The following OR10A3 variants were observed in gnomAD, a reference collection of about 807,000 sequenced individuals.
OR10A3 encodes olfactory receptor 10A3.
Under a neutral mutation model 1.5 loss-of-function variants are expected in OR10A3, and 1 was observed. The ratio of observed to expected loss-of-function variants is 0.66; its 90% CI spans 0.23 to 3.11. OR10A3 has a LOEUF of 3.11. OR10A3 is among the 30% of genes most tolerant of loss of function. OR10A3 has a pLI of 0.21. For synonymous variants in OR10A3, 145 were observed against 143.7 expected (o/e 1.01, Z -0.06); for missense variants, 398 against 369.7 (o/e 1.08, Z -0.63).
rs1941403705 is a variant in OR10A3, at chr11:7,939,257, C to T, written c.264G>A (p.Glu88=). The T allele has an allele frequency of 6.2e-7, 1 of 1,614,218 alleles. No homozygotes were observed. Among genetic ancestry groups the T allele is most frequent in the Non-Finnish European group, 8.5e-7 (1 of 1,180,040 alleles). ...TPEMLVVLST[E]KTMISFVGCF... ...AGCCCACAAAAGAAATCATAGTTTT[C>T]TCAGTAGAGAGCACCACCAGCATTT... is the stretch of plus-strand genomic sequence containing the variant. The change falls in exon 2 of 2, where the codon GAG becomes GAA. Residue 88 remains glutamate (E), a synonymous_variant. Coordinates refer to ENST00000642047, the MANE Select transcript of OR10A3 (RefSeq NM_001003745.2).
chr11:7,937,875 A>G lies in OR10A3; in HGVS notation c.*701T>C, dbSNP rs1206807041. On this transcript the variant is annotated 3_prime_UTR_variant, in exon 2 of 2. Transcript: ENST00000642047. Reference sequence around the variant, plus strand: ...AATCATTTTGAAAAGTAATTCTGCAATAGCTAATAAAATTTGTAAACACAG... The same window carrying G: ...AATCATTTTGAAAAGTAATTCTGCAGTAGCTAATAAAATTTGTAAACACAG... 1 of 152,266 alleles carries G rather than the reference A, an allele frequency of 6.6e-6. No individual in the cohort carries two copies. The highest frequency in any genetic ancestry group is 2.4e-5 in the African/African-American group (1 of 41,462). 9.4% of individuals were successfully genotyped at this position (152,266 alleles called of 1,614,324 possible).
At position 7,939,634 on chromosome 11, in the gene OR10A3, G is replaced by A. The variant is rs1175637781; in HGVS notation, c.-114C>T. 1.9e-5 allele frequency: 15 copies of A among 769,546 alleles called. No individual in the cohort carries two copies. Among genetic ancestry groups the A allele is most frequent in the Non-Finnish European group, 4.0e-6 (2 of 505,432 alleles). The allele number at this position is 769,546 out of a possible 1,614,324, so 47.7% of individuals were successfully genotyped here. On this transcript the variant is annotated 5_prime_UTR_variant, in exon 2 of 2. Transcript: ENST00000642047. ...TTCTTGACAGCAGATGTAATGACAA[G>A]CTCATTTTGACAGAACTTCAGGTTG...
intron 1 of OR10A3, among the ~76,000 whole-genome samples, chr11:7,940,480 A>G (rs1375058720): frequency 3.3e-5 from 5 of 150,772 alleles, no homozygotes; most frequent in African/African-American, 1.2e-4. Context: ...CTCTCCCTTC[A>G]CCTCCTCTAC....
In OR10A3 at chr11:7,938,881, T is replaced by G. The variant is rs1371564675; in HGVS notation, c.640A>C (p.Ile214Leu). Residue 214 changes from isoleucine to leucine, a missense_variant, in exon 2 of 2, where the codon ATC becomes CTC. By Grantham distance (5) the Ile-to-Leu change is conservative. Coordinates refer to ENST00000642047, the MANE Select transcript of OR10A3 (RefSeq NM_001003745.2). The stretch of plus-strand genomic sequence containing the variant: ...AGAACTCGAATGTAAGACAAGAGGA[T>G]CAACAAGAAAGGAACCATAACAATC... Reference protein sequence around the residue: ...ILIVMVPFLLILLSYIRVLFA... With the variant: ...ILIVMVPFLLLLLSYIRVLFA... 1 of 1,614,114 alleles carries G rather than the reference T, an allele frequency of 6.2e-7. No individual in the cohort carries two copies. The highest frequency in any genetic ancestry group is 1.1e-5 in the South Asian group (1 of 91,078).
At position 7,938,610 on chromosome 11, in the gene OR10A3, A is replaced by G. The variant is rs1233659938; in HGVS notation, c.911T>C (p.Leu304Pro). ...NSEMKRTLIK[L>P]WRRKVILHTF is the part of the protein sequence containing the mutation. Reference sequence around the variant, plus strand: ...GTGTAAAATCACTTTTCTTCGCCATAGTTTTATCAAAGTCCTCTTCATCTC... The same window carrying G: ...GTGTAAAATCACTTTTCTTCGCCATGGTTTTATCAAAGTCCTCTTCATCTC... The change falls in exon 2 of 2, where the codon CTA (leucine) becomes CCA (proline). Residue 304 changes from leucine to proline, a missense_variant. Leu to Pro is a moderately conservative substitution (Grantham distance 98). Transcript: ENST00000642047. 6.2e-7 allele frequency: 1 copy of G among 1,612,964 alleles called. No homozygotes were observed. The highest frequency in any genetic ancestry group is 1.1e-5 in the South Asian group (1 of 90,686).
At position 7,938,330 on chromosome 11, in the gene OR10A3, A is replaced by G. The variant is rs1941385096; in HGVS notation, c.*246T>C. 7.9e-6 allele frequency: 3 copies of G among 379,752 alleles called. No homozygotes were observed. Among genetic ancestry groups the G allele is most frequent in the Non-Finnish European group, 1.4e-5 (3 of 214,790 alleles). The allele number at this position is 379,752 out of a possible 1,614,324, so 23.5% of individuals were successfully genotyped here. On this transcript the variant is annotated 3_prime_UTR_variant, in exon 2 of 2. Transcript: ENST00000642047. ...AAAAAAAAAAAAAAAAATGACAGTA[A>G]TCCAGTAGCTACTTGGATGTTCATA... is the stretch of plus-strand genomic sequence containing the variant.
intron 1 of OR10A3, among the ~76,000 whole-genome samples, chr11:7,939,988 G>A (rs374728299): frequency 4.9e-4 from 75 of 152,330 alleles, no homozygotes; most frequent in African/African-American, 1.8e-3. Flanking sequence ...CTGGAACTTG[G>A]CTGCAGTCCT....
rs769219074 is a variant in OR10A3 at position 7,938,675 on chromosome 11, G to T, written c.846C>A (p.Thr282=). The stretch of plus-strand genomic sequence containing the variant: ...TATAGATGAGCGGATTGAGCAGAGG[G>T]GTAAGCAACGTGTAAGCCAATGAGA... The part of the protein sequence containing the change: ...KLISLAYTLL[T]PLLNPLIYSL... The change falls in exon 2 of 2, where the codon ACC becomes ACA. Residue 282 remains threonine (T), a synonymous_variant. Coordinates refer to ENST00000642047, the MANE Select transcript of OR10A3 (RefSeq NM_001003745.2). 8.7e-6 allele frequency: 14 copies of T among 1,614,050 alleles called. No homozygotes were observed. The East Asian group carries it at 2.0e-4, about 23-fold the overall frequency.
At position 7,939,236 on chromosome 11, in the gene OR10A3, C is replaced by T; in HGVS notation, c.285G>A (p.Val95=). The change falls in exon 2 of 2, where the codon GTG becomes GTA. Residue 95 remains valine, a synonymous_variant. Coordinates refer to ENST00000642047, the MANE Select transcript of OR10A3 (RefSeq NM_001003745.2). The part of the protein sequence containing the change: ...LSTEKTMISF[V]GCFAQMYFIL... ...TGAAATACATCTGTGCAAAACAGCC[C>T]ACAAAAGAAATCATAGTTTTCTCAG... The T allele has an allele frequency of 6.2e-7, 1 of 1,614,192 alleles. No homozygotes were observed. Among genetic ancestry groups the T allele is most frequent in the Non-Finnish European group, 8.5e-7 (1 of 1,180,044 alleles).
At position 7,937,854 on chromosome 11, in the gene OR10A3, AT is replaced by A. The variant is rs1941377405; in HGVS notation, c.*721del. On this transcript the variant is annotated 3_prime_UTR_variant, in exon 2 of 2. Transcript: ENST00000642047. ...CAGGCCAGTCTGAAGAACTATAATC[AT>A]TTTGAAAAGTAATTCTGCAATAGCT... is the stretch of plus-strand genomic sequence containing the variant. 6.6e-6 allele frequency: 1 copy of A among 152,198 alleles called. No homozygotes were observed. Among genetic ancestry groups the A allele is most frequent in the African/African-American group, 2.4e-5 (1 of 41,450 alleles). The allele number at this position is 152,198 out of a possible 1,614,324, so 9.4% of individuals were successfully genotyped here. A position where few individuals can be genotyped will look rare whatever the true frequency, so the allele number is the denominator to read the frequency against.
At chr11:7,940,447 G>A (rs1459934629) in intron 1 of OR10A3, among the ~76,000 whole-genome samples, 5 of 152,018 alleles carry the variant, frequency 3.3e-5, no homozygotes, top group South Asian at 2.1e-4. Context: ...CCGCTGACAC[G>A]CTCCACCTCA....
At chr11:7,941,359 ATGTTCTAC>A (rs1941440935) in intron 1 of OR10A3, among the ~76,000 whole-genome samples, 1 of 152,192 alleles carries the variant, frequency 6.6e-6, no homozygotes, top group African/African-American at 2.4e-5. Context: ...ATTCACTGAT[ATGTTCTAC>A]TGGCTCTGGC....
chr11:7,937,197 GAC>G lies in OR10A3; in HGVS notation c.*1377_*1378del, dbSNP rs1941367330. ...TATAAACCTAAAACCAGTTTAAATA[GAC>G]ACACAGATATATATATGTATTGCCT... On this transcript the variant is annotated 3_prime_UTR_variant, in exon 2 of 2. Transcript: ENST00000642047. The G allele has an allele frequency of 6.6e-6, 1 of 152,086 alleles. No individual in the cohort carries two copies. Among genetic ancestry groups the G allele is most frequent in the Admixed American group, 6.6e-5 (1 of 15,252 alleles). The allele number at this position is 152,086 out of a possible 1,614,324, so 9.4% of individuals were successfully genotyped here. A position where few individuals can be genotyped will look rare whatever the true frequency, so the allele number is the denominator to read the frequency against.
rs1376370487 is a variant in OR10A3, at chr11:7,938,312, A to G, written c.*264T>C. ...GCGAAACTCCATCTCAAAAAAAAAA[A>G]AAAAAAAAATGACAGTAATCCAGTA... is the stretch of plus-strand genomic sequence containing the variant. On this transcript the variant is annotated 3_prime_UTR_variant, in exon 2 of 2. Coordinates refer to ENST00000642047, the MANE Select transcript of OR10A3 (RefSeq NM_001003745.2). 1 of 324,132 alleles carries G rather than the reference A, an allele frequency of 3.1e-6. No individual in the cohort carries two copies. 20.1% of individuals were successfully genotyped at this position (324,132 alleles called of 1,614,324 possible). A position where few individuals can be genotyped will look rare whatever the true frequency, so the allele number is the denominator to read the frequency against.
In OR10A3 at chr11:7,939,092, T is replaced by G; in HGVS notation, c.429A>C (p.Lys143Asn). 6.2e-7 allele frequency: 1 copy of G among 1,613,976 alleles called. No homozygotes were observed. Among genetic ancestry groups the G allele is most frequent in the Non-Finnish European group, 8.5e-7 (1 of 1,179,996 alleles). ...CTGAGATCCATGAGAATATTACTAA[T>G]TTCATAAAAACCCCTCTGTTCATAA... Reference protein sequence around the residue: ...PVIMNRGVFMKLVIFSWISGI... With the variant: ...PVIMNRGVFMNLVIFSWISGI... Residue 143 changes from lysine (K) to asparagine (N), a missense_variant, in exon 2 of 2, where the codon AAA (lysine) becomes AAC (asparagine). By Grantham distance (94) the Lys-to-Asn change is moderately conservative (BLOSUM62 0). Coordinates refer to ENST00000642047, the MANE Select transcript of OR10A3 (RefSeq NM_001003745.2).
In OR10A3 at chr11:7,939,384, G is replaced by A. The variant is rs541099062; in HGVS notation, c.137C>T (p.Thr46Ile). 8.1e-6 allele frequency: 13 copies of A among 1,614,130 alleles called. No individual in the cohort carries two copies. The highest frequency in any genetic ancestry group is 1.0e-5 in the Non-Finnish European group (12 of 1,179,994). The stretch of plus-strand genomic sequence containing the variant: ...GCTCTGGTTTAAGGAGATGATGACT[G>A]TAATGATGGCATTTCCCATCAGGGT... Reference protein sequence around the residue: ...VVTLMGNAIITVIISLNQSLH... With the variant: ...VVTLMGNAIIIVIISLNQSLH... The change falls in exon 2 of 2, where the codon ACA (threonine) becomes ATA (isoleucine). Residue 46 changes from threonine (T) to isoleucine (I), a missense_variant. Thr to Ile is a moderately conservative substitution (Grantham distance 89). Transcript: ENST00000642047.
Position 7,939,088 on chromosome 11 carries a change from C to T in OR10A3, c.433G>A (p.Val145Ile), listed in dbSNP as rs201158612. 1.9e-6 allele frequency: 3 copies of T among 1,613,962 alleles called. No homozygotes were observed. The highest frequency in any genetic ancestry group is 2.5e-6 in the Non-Finnish European group (3 of 1,179,986). The change falls in exon 2 of 2, where the codon GTA becomes ATA. Residue 145 changes from valine to isoleucine, a missense_variant. Transcript: ENST00000642047. ...ATCCCTGAGATCCATGAGAATATTA[C>T]TAATTTCATAAAAACCCCTCTGTTC... The part of the protein sequence containing the change: ...IMNRGVFMKL[V>I]IFSWISGIMV...
chr11:7,939,712 A>G lies in OR10A3; in HGVS notation c.-178-14T>C, dbSNP rs543810460. The G allele has an allele frequency of 5.6e-5, 26 of 463,858 alleles. No individual in the cohort carries two copies. Among genetic ancestry groups the G allele is most frequent in the Admixed American group, 4.5e-4 (12 of 26,496 alleles). 28.7% of individuals were successfully genotyped at this position (463,858 alleles called of 1,614,324 possible). A position where few individuals can be genotyped will look rare whatever the true frequency, so the allele number is the denominator to read the frequency against. On this transcript the variant is annotated splice_polypyrimidine_tract_variant and intron_variant, in intron 1 of 1. Transcript: ENST00000642047. Reference sequence around the variant, plus strand: ...GTAATAGTGAATCTTTAAAATACAAATAAAGAAGTGAAGTATTTTGGTTCA... The same window carrying G: ...GTAATAGTGAATCTTTAAAATACAAGTAAAGAAGTGAAGTATTTTGGTTCA...
chr11:7,940,619 T>A (rs1329540250), intron 1 of OR10A3, among the ~76,000 whole-genome samples: 2 of 151,078 alleles, frequency 1.3e-5, no homozygotes, highest in Admixed American at 6.6e-5. Context: ...ATCAGTAAAA[T>A]ACAATGCCCA....
Sources: allele counts gnomAD v4.1 joint callset (sites outside exome capture counted in the v4.1 genomes callset), GRCh38; gene constraint gnomAD v4.1.1; transcripts MANE v1.5; gene names NCBI Gene and HGNC (gene_info 2026-07-23, HGNC 2026-07-21).